Variants in ENOPH1 observed in about 807,000 individuals in gnomAD.
The protein encoded by ENOPH1 is enolase-phosphatase 1.
Under a neutral mutation model 31.1 loss-of-function variants are expected in ENOPH1, and 14 were observed. That is an observed-to-expected ratio of 0.45 (90% CI 0.30 to 0.70). The LOEUF is 0.70. Among genes scored for constraint, ENOPH1 ranks in the 30% least tolerant of loss-of-function variants. The pLI is 0.09. For missense variants in ENOPH1, 243 were observed against 321.5 expected (o/e 0.76, Z 1.87); for synonymous variants, 127 against 123.2 (o/e 1.03, Z -0.21).
chr4:82,453,803 G>A (rs369719077), intron 3 of ENOPH1, among the ~76,000 whole-genome samples: 2 of 152,286 alleles, frequency 1.3e-5, no homozygotes, highest in African/African-American at 2.4e-5. Context: ...AGTGTCAGAA[G>A]TCAGAAAAAG....
At position 82,451,117 on chromosome 4, in the gene ENOPH1, A is replaced by T; in HGVS notation, c.261A>T (p.Gln87His). ...AASGNGVDDL[Q>H]QMIQAVVDNV... Reference sequence around the variant, plus strand: ...CTGGGAATGGAGTGGATGATCTGCAACAGATGATCCAGGCCGTGGTAGATA... The same window carrying T: ...CTGGGAATGGAGTGGATGATCTGCATCAGATGATCCAGGCCGTGGTAGATA... Residue 87 changes from glutamine to histidine, a missense_variant, in exon 3 of 6, where the codon CAA becomes CAT. By Grantham distance (24) the Gln-to-His change is conservative. Transcript: ENST00000273920. 6.2e-7 allele frequency: 1 copy of T among 1,614,186 alleles called. No individual in the cohort carries two copies. Among genetic ancestry groups the T allele is most frequent in the Non-Finnish European group, 8.5e-7 (1 of 1,179,996 alleles).
chr4:82,449,959 T>G (rs1383049620), intron 2 of ENOPH1, among the ~76,000 whole-genome samples: 4 of 152,214 alleles, frequency 2.6e-5, no homozygotes, highest in African/African-American at 9.6e-5. Flanking sequence ...GCTATGGAAC[T>G]CCTGCTCTGT....
intron 3 of ENOPH1, among the ~76,000 whole-genome samples, chr4:82,453,042 C>G (rs988170444): frequency 2.6e-5 from 4 of 151,982 alleles, no homozygotes; most frequent in African/African-American, 4.8e-5. Context: ...GCTGGGACTA[C>G]AGGCGTGTGC....
Position 82,430,592 on chromosome 4 carries a change from C to G in ENOPH1, c.-238C>G. ...CCGCCCCTTTTCCTGCCCACGTGGT[C>G]TCGGGCTCCTGCCCCGTCCTGCTCA... On this transcript the variant is annotated 5_prime_UTR_variant, in exon 1 of 6. Coordinates refer to ENST00000273920, the MANE Select transcript of ENOPH1 (RefSeq NM_021204.5). The G allele has an allele frequency of 6.2e-6, 3 of 485,712 alleles. No homozygotes were observed. The highest frequency in any genetic ancestry group is 1.1e-5 in the Non-Finnish European group (3 of 272,872). 30.1% of individuals were successfully genotyped at this position (485,712 alleles called of 1,614,324 possible).
rs1721717655 is a variant in ENOPH1 at position 82,430,766 on chromosome 4, G to A, written c.-64G>A. 4 of 1,518,240 alleles carry A rather than the reference G, an allele frequency of 2.6e-6. No individual in the cohort carries two copies. Among genetic ancestry groups the A allele is most frequent in the African/African-American group, 1.4e-5 (1 of 72,930 alleles). 94.0% of individuals were successfully genotyped at this position (1,518,240 alleles called of 1,614,324 possible). A position where few individuals can be genotyped will look rare whatever the true frequency, so the allele number is the denominator to read the frequency against. ...CAAGACGGTACCGGGGGCCGCAGCC[G>A]CAGCCGGCGCCGCCCTCCGCCCTCC... On this transcript the variant is annotated 5_prime_UTR_variant, in exon 1 of 6. Coordinates refer to ENST00000273920, the MANE Select transcript of ENOPH1 (RefSeq NM_021204.5).
chr4:82,451,265 T>C lies in ENOPH1; in HGVS notation c.389+20T>C. On this transcript the variant is annotated intron_variant, in intron 3 of 5. Transcript: ENST00000273920. ...AGCAGAGTATGTGCTTGAGTCAGCC[T>C]AAACATTTCACCAGTCCCAAATCCA... is the stretch of plus-strand genomic sequence containing the variant. 1 of 1,610,824 alleles carries C rather than the reference T, an allele frequency of 6.2e-7. No homozygotes were observed. Among genetic ancestry groups the C allele is most frequent in the Non-Finnish European group, 8.5e-7 (1 of 1,177,248 alleles).
chr4:82,434,779 C>T (rs1170177131), intron 1 of ENOPH1, among the ~76,000 whole-genome samples: 1 of 151,928 alleles, frequency 6.6e-6, no homozygotes, highest in Non-Finnish European at 1.5e-5. Flanking sequence ...TGGTGGCGCA[C>T]ACCTGTAATC....
At chr4:82,433,054 G>A (rs562185240) in intron 1 of ENOPH1, among the ~76,000 whole-genome samples, 1 of 152,182 alleles carries the variant, frequency 6.6e-6, no homozygotes, top group South Asian at 2.1e-4. Flanking sequence ...CCTCATTTTT[G>A]TAATTTATAG....
chr4:82,460,020 T>G lies in ENOPH1; in HGVS notation c.686T>G (p.Val229Gly), dbSNP rs761537365. ...AAEEADVHVA[V>G]VVRPGNAGLT... ...GAGGAAGCAGATGTGCACGTAGCTG[T>G]GGTGGTGAGACCAGGCAACGCAGGA... Residue 229 changes from valine to glycine, a missense_variant, in exon 6 of 6, where the codon GTG (valine) becomes GGG (glycine). Transcript: ENST00000273920. 2.5e-6 allele frequency: 4 copies of G among 1,614,054 alleles called. No individual in the cohort carries two copies. Among genetic ancestry groups the G allele is most frequent in the Non-Finnish European group, 3.4e-6 (4 of 1,180,020 alleles).
rs1401691967 is a variant in ENOPH1, at chr4:82,451,085, G to A, written c.229G>A (p.Ala77Thr). ...CCTGGATGGGGCTGTTCCTATCCCT[G>A]CAGCATCTGGGAATGGAGTGGATGA... ...AHLDGAVPIPAASGNGVDDLQ... is the reference protein window; with the variant it reads ...AHLDGAVPIPTASGNGVDDLQ... The change falls in exon 3 of 6, where the codon GCA (alanine) becomes ACA (threonine). Residue 77 changes from alanine to threonine, a missense_variant. By Grantham distance (58) the Ala-to-Thr change is moderately conservative (BLOSUM62 0). Coordinates refer to ENST00000273920, the MANE Select transcript of ENOPH1 (RefSeq NM_021204.5). 1.9e-6 allele frequency: 3 copies of A among 1,614,192 alleles called. No individual in the cohort carries two copies. The highest frequency in any genetic ancestry group is 1.7e-5 in the Admixed American group (1 of 60,020).
At chr4:82,452,134 A>G (rs1197547735) in intron 3 of ENOPH1, among the ~76,000 whole-genome samples, 1 of 151,386 alleles carries the variant, frequency 6.6e-6, no homozygotes, top group East Asian at 1.9e-4. Context: ...ACTGGAGTGC[A>G]GTGGTGCCAT....
intron 1 of ENOPH1, among the ~76,000 whole-genome samples, chr4:82,446,344 G>A (rs556563180): frequency 7.2e-5 from 11 of 151,976 alleles, no homozygotes; most frequent in Non-Finnish European, 1.2e-4. Context: ...CTTGAACTCG[G>A]GAGGCGGAGG....
chr4:82,449,636 TCA>T (rs1722295429), intron 2 of ENOPH1, among the ~76,000 whole-genome samples: 1 of 152,144 alleles, frequency 6.6e-6, no homozygotes, highest in South Asian at 2.1e-4. Flanking sequence ...CGCGATCCAG[TCA>T]CCTCCCACTA....
At chr4:82,436,077 A>G (rs549696767) in intron 1 of ENOPH1, among the ~76,000 whole-genome samples, 2 of 152,200 alleles carry the variant, frequency 1.3e-5, no homozygotes, top group Non-Finnish European at 2.9e-5. Context: ...CCTGAAACCC[A>G]CCATGCTCCC....
At chr4:82,451,002 A>C (rs767876571) in intron 2 of ENOPH1, 41 bp from the exon 3 acceptor site, 73 of 1,562,378 alleles carry the variant, frequency 4.7e-5, no homozygotes, top group Non-Finnish European at 8.8e-7. Flanking sequence ...CTGTTTTTTG[A>C]ATAAGCAAAA....
chr4:82,448,241 T>TTTTTG (rs1230782028), intron 2 of ENOPH1, among the ~76,000 whole-genome samples: 9 of 150,602 alleles, frequency 6.0e-5, no homozygotes, highest in African/African-American at 1.9e-4. Flanking sequence ...TGGTTGTTTT[T>TTTTTG]TTTTGTTTTG....
chr4:82,450,980 C>T (rs762853771), intron 2 of ENOPH1, 63 bp from the exon 3 acceptor site: 36 of 1,442,634 alleles, frequency 2.5e-5, no homozygotes, highest in South Asian at 3.6e-5. Context: ...TTTTGGGTCT[C>T]GTTTTAAATG....
At chr4:82,453,510 G>A (rs1175451763) in intron 3 of ENOPH1, among the ~76,000 whole-genome samples, 1 of 152,150 alleles carries the variant, frequency 6.6e-6, no homozygotes, top group South Asian at 2.1e-4. Flanking sequence ...AACTGCTGAA[G>A]ACAGGAAAAA....
At chr4:82,457,509 C>G (rs950912078) in intron 5 of ENOPH1, among the ~76,000 whole-genome samples, 10 of 152,054 alleles carry the variant, frequency 6.6e-5, no homozygotes, top group Non-Finnish European at 1.3e-4. Flanking sequence ...GCAAGACTGT[C>G]TCAAAAAAGA....
Sources: allele counts gnomAD v4.1 joint callset (sites outside exome capture counted in the v4.1 genomes callset), GRCh38; gene constraint gnomAD v4.1.1; transcripts MANE v1.5; gene names NCBI Gene and HGNC (gene_info 2026-07-23, HGNC 2026-07-21).